Variants in SPATA1 observed in about 807,000 individuals in gnomAD.
SPATA1 encodes spermatogenesis associated 1.
Under a neutral mutation model 59.6 loss-of-function variants are expected in SPATA1, and 57 were observed. That is an observed-to-expected ratio of 0.96 (90% CI 0.77 to 1.19). The LOEUF (loss-of-function observed/expected upper bound fraction) is 1.19, where lower values mean the gene tolerates loss of function less well. Ranked by LOEUF, SPATA1 falls within the 50% of genes most tolerant of loss-of-function variation. The pLI, the probability that SPATA1 is intolerant of heterozygous loss-of-function variation, is 0.00. For synonymous variants in SPATA1, 147 were observed against 163.9 expected (o/e 0.90, Z 0.79); for missense variants, 448 against 480.7 (o/e 0.93, Z 0.64).
At chr1:84,545,220 AAAAT>A (rs1289267732) in intron 9 of SPATA1, among the ~76,000 whole-genome samples, 1 of 148,834 alleles carries the variant, frequency 6.7e-6, no homozygotes, top group African/African-American at 2.5e-5. Context: ...CCATCTCAAA[AAAAT>A]ATATATATAT....
At chr1:84,548,515 T>C (rs911102857) in intron 10 of SPATA1, among the ~76,000 whole-genome samples, 2 of 148,120 alleles carry the variant, frequency 1.4e-5, no homozygotes, top group African/African-American at 2.4e-5. Context: ...GTATTACTTT[T>C]AGATATATTA....
chr1:84,525,437 A>C (rs1359483899), intron 4 of SPATA1, among the ~76,000 whole-genome samples: 1 of 152,238 alleles, frequency 6.6e-6, no homozygotes, highest in African/African-American at 2.4e-5. Flanking sequence ...TAAAGCACTT[A>C]AAATAGTGCC....
At chr1:84,526,259 T>G (rs1177656872) in intron 6 of SPATA1, 186 bp downstream of exon 6, 1 of 494,464 alleles carries the variant, frequency 2.0e-6, no homozygotes, top group Admixed American at 3.4e-5. Flanking sequence ...GAAAACAATT[T>G]AAGTACTATG....
intron 8 of SPATA1, 31 bp from the exon 9 acceptor site, chr1:84,544,171 C>T (rs761171242): frequency 6.5e-6 from 9 of 1,376,300 alleles, no homozygotes; most frequent in South Asian, 2.5e-5. Flanking sequence ...ACAGTGTAGC[C>T]GATCTTACTC....
At chr1:84,510,010 A>G (rs1325542794) in intron 1 of SPATA1, among the ~76,000 whole-genome samples, 1 of 152,064 alleles carries the variant, frequency 6.6e-6, no homozygotes, top group Non-Finnish European at 1.5e-5. Flanking sequence ...CAACATGGCA[A>G]AGTCAAAACC....
At chr1:84,535,449 A>T (rs955213058) in intron 8 of SPATA1, among the ~76,000 whole-genome samples, 2 of 152,176 alleles carry the variant, frequency 1.3e-5, no homozygotes, top group East Asian at 3.9e-4. Context: ...TATCCTAACT[A>T]TACTTAATCT....
Position 84,549,125 on chromosome 1 carries a change from T to A in SPATA1, c.1125+161T>A, listed in dbSNP as rs538120900. Among the ~76,000 whole-genome samples the A allele has an allele frequency of 2.0e-5, 3 of 152,262 alleles. No homozygotes were observed. The East Asian group carries it at 5.8e-4, about 29-fold the overall frequency. On this transcript the variant is annotated intron_variant, in intron 11 of 12. Transcript: ENST00000490879. ...CCTTATGTAATAGGAGGAGCATTGC[T>A]GAGGAGATACAGTCAGCAGCTTAAT...
At chr1:84,520,779 A>G (rs1424835012) in intron 3 of SPATA1, 88 bp downstream of exon 3, 10 of 876,300 alleles carry the variant, frequency 1.1e-5, no homozygotes, top group African/African-American at 5.2e-5. Context: ...TTTAAAAACT[A>G]TAAGTGAAAA....
chr1:84,567,325 A>G (rs566646123), downstream of SPATA1, among the ~76,000 whole-genome samples: 1 of 152,332 alleles, frequency 6.6e-6, no homozygotes, highest in South Asian at 2.1e-4. Flanking sequence ...AATGAGAGGT[A>G]TATTATAGTA....
downstream of SPATA1, chr1:84,555,123 T>C (rs1684390408): frequency 1.2e-6 from 2 of 1,613,996 alleles, no homozygotes; most frequent in South Asian, 2.2e-5. Context: ...TAAGCGATAG[T>C]TTTGTATATA....
chr1:84,524,231 A>G (rs1449268876), intron 4 of SPATA1, among the ~76,000 whole-genome samples: 3 of 152,202 alleles, frequency 2.0e-5, no homozygotes, highest in African/African-American at 7.2e-5. Context: ...TAGGTTAAGC[A>G]CAGAAGTAGA....
chr1:84,531,630 G>A (rs1302268597), intron 6 of SPATA1, among the ~76,000 whole-genome samples: 1 of 143,880 alleles, frequency 7.0e-6, no homozygotes, highest in Admixed American at 7.2e-5. Flanking sequence ...CTGGAGAACA[G>A]CAGGGTGATC....
At chr1:84,523,989 A>G (rs1683123776) in intron 4 of SPATA1, among the ~76,000 whole-genome samples, 1 of 151,628 alleles carries the variant, frequency 6.6e-6, no homozygotes, top group Non-Finnish European at 1.5e-5. Flanking sequence ...AACTAGATAT[A>G]GATCTTGCCC....
In SPATA1 at chr1:84,544,305, G is replaced by A; in HGVS notation, c.820+1G>A. 1 of 1,551,500 alleles carries A rather than the reference G, an allele frequency of 6.4e-7. No individual in the cohort carries two copies. The highest frequency in any genetic ancestry group is 8.8e-7 in the Non-Finnish European group (1 of 1,141,310). On this transcript the variant is annotated splice_donor_variant, in intron 9 of 12. Coordinates refer to ENST00000490879, the Ensembl canonical transcript of SPATA1. LOFTEE classifies it high-confidence loss of function. ...GATATATCTTTATTACAAACTGAAA[G>A]TAAGTATAGTGCAATCGTAAGTACA...
chr1:84,552,712 T>C (rs1465479135), intron 12 of SPATA1: 2 of 187,936 alleles, frequency 1.1e-5, no homozygotes, highest in Non-Finnish European at 2.2e-5. Flanking sequence ...TCTTTACACA[T>C]TGAGAACAAC....
rs1682792787 is a variant in SPATA1 at position 84,516,354 on chromosome 1, G to C, written c.-6G>C. 2 of 1,524,898 alleles carry C rather than the reference G, an allele frequency of 1.3e-6. 1 individual carries two copies. Among genetic ancestry groups the C allele is most frequent in the South Asian group, 2.7e-5 (2 of 75,318 alleles). The allele number at this position is 1,524,898 out of a possible 1,614,324, so 94.5% of individuals were successfully genotyped here. ...TGATAATTATCCCATTCAGACATTA[G>C]TGAATATGTCACTCAATCCAAGTCG... is the stretch of plus-strand genomic sequence containing the variant. On this transcript the variant is annotated 5_prime_UTR_variant, in exon 2 of 13. Coordinates refer to ENST00000490879, the Ensembl canonical transcript of SPATA1.
chr1:84,557,146 G>C (rs1291355113), downstream of SPATA1, among the ~76,000 whole-genome samples: 1 of 152,206 alleles, frequency 6.6e-6, no homozygotes. Flanking sequence ...TTGAGTCCAA[G>C]ATGAGCTGCT....
At chr1:84,519,673 T>C (rs1170522546) in intron 2 of SPATA1, among the ~76,000 whole-genome samples, 1 of 152,118 alleles carries the variant, frequency 6.6e-6, no homozygotes, top group African/African-American at 2.4e-5. Flanking sequence ...TTTTAAATTG[T>C]TAGTTAATAA....
At chr1:84,562,533 A>C (rs1684614601) in intron 4 of SPATA1, among the ~76,000 whole-genome samples, 1 of 152,158 alleles carries the variant, frequency 6.6e-6, no homozygotes, top group Admixed American at 6.5e-5. Flanking sequence ...TCATTTTAGT[A>C]CTCCTTTTAA....
Sources: allele counts gnomAD v4.1 joint callset (sites outside exome capture counted in the v4.1 genomes callset), GRCh38; gene constraint gnomAD v4.1.1; transcripts MANE v1.5; gene names NCBI Gene and HGNC (gene_info 2026-07-23, HGNC 2026-07-21).